The following NCKAP5 variants were observed in gnomAD, a reference collection of about 807,000 sequenced individuals.
NCKAP5 encodes the protein nck-associated protein 5.
NCKAP5 carries 92 observed loss-of-function variants against 167.0 expected under a neutral mutation model. The observed-to-expected ratio is 0.55, with a 90% CI of 0.47 to 0.66. The LOEUF (loss-of-function observed/expected upper bound fraction) is 0.66, where lower values mean the gene tolerates loss of function less well. Ranked by LOEUF, NCKAP5 falls within the 30% of genes least tolerant of loss-of-function variation. The probability of loss-of-function intolerance (pLI) is 0.00; values close to 1 mark genes in which losing one functional copy is unlikely to be tolerated. For missense variants in NCKAP5, 2,378 were observed against 2,315.0 expected (o/e 1.03, Z -0.56); for synonymous variants, 891 against 877.4 (o/e 1.02, Z -0.27).
At chr2:133,605,868 A>G in the NCKAP5 span, among the ~76,000 whole-genome samples, 4 of 152,172 alleles carry the variant, frequency 2.6e-5, no homozygotes, top group Admixed American at 6.5e-5. Context: ...ACCTGGGTAA[A>G]TCAAGAGGAA....
In NCKAP5 at chr2:132,783,729, A is replaced by T. The variant is rs745491270; in HGVS notation, c.3082T>A (p.Ser1028Thr). 1 of 1,610,464 alleles carries T rather than the reference A, an allele frequency of 6.2e-7. No individual in the cohort carries two copies. Among genetic ancestry groups the T allele is most frequent in the African/African-American group, 1.3e-5 (1 of 74,692 alleles). ...TRCPAHAPSSSFTVMALGPPK... is the reference protein window; with the variant it reads ...TRCPAHAPSSTFTVMALGPPK... ...GGCCCCAGAGCCATTACGGTGAAGG[A>T]GCTGGAGGGGGCATGAGCAGGGCAT... Residue 1028 changes from serine (S) to threonine (T), a missense_variant, in exon 14 of 20, where the codon TCC (serine) becomes ACC (threonine). Ser to Thr is a moderately conservative substitution (Grantham distance 58). This residue lies in a region of NCKAP5 where 1,325 missense variants were observed against 1,274.5 expected (regional missense o/e 1.04). Coordinates refer to ENST00000409261, the MANE Select transcript of NCKAP5 (RefSeq NM_207363.3).
chr2:132,996,526 TAA>T (rs2077605287), intron 6 of NCKAP5, among the ~76,000 whole-genome samples: 3 of 152,174 alleles, frequency 2.0e-5, no homozygotes, highest in African/African-American at 7.2e-5. Flanking sequence ...CTTCCTAAGA[TAA>T]CTCCTCATTG....
In NCKAP5 at chr2:132,773,711, C is replaced by CAA. The variant is rs2104958573; in HGVS notation, c.5128+104_5128+105insTT. ...CAACCATGTGTGAATAGTTAACACT[C>CAA]AGTCTTGATAGAGGGACATGGTCTC... On this transcript the variant is annotated intron_variant, in intron 16 of 19. Transcript: ENST00000409261. 4.5e-6 allele frequency: 4 copies of CAA among 885,374 alleles called. No individual in the cohort carries two copies. In the East Asian group the frequency reaches 1.0e-4, roughly 22 times the overall value. 54.8% of individuals were successfully genotyped at this position (885,374 alleles called of 1,614,324 possible).
intron 4 of NCKAP5, among the ~76,000 whole-genome samples, chr2:133,251,267 T>C (rs1251301656): frequency 2.0e-5 from 3 of 152,216 alleles, no homozygotes; most frequent in Non-Finnish European, 4.4e-5. Context: ...TGAGCATCCA[T>C]GGATTTTGGT....
intron 19 of NCKAP5, among the ~76,000 whole-genome samples, chr2:132,720,470 G>A (rs1689799113): frequency 6.6e-6 from 1 of 152,228 alleles, no homozygotes; most frequent in Non-Finnish European, 1.5e-5. Context: ...GCCACATTCA[G>A]TGTGTTGCAA....
intron 4 of NCKAP5, among the ~76,000 whole-genome samples, chr2:133,247,643 G>C (rs1438894458): frequency 2.0e-5 from 3 of 152,142 alleles, no homozygotes; most frequent in Admixed American, 6.5e-5. Flanking sequence ...ATATGAATAT[G>C]TTTTCTTTAT....
In NCKAP5 at chr2:132,810,174, C is replaced by T. The variant is rs1169032819; in HGVS notation, c.808-13445G>A. On this transcript the variant is annotated intron_variant, in intron 11 of 19. Coordinates refer to ENST00000409261, the MANE Select transcript of NCKAP5 (RefSeq NM_207363.3). ...ATCTGCTGTTAATCTTATAGGCTTT[C>T]CTTTCTAGGTTACCTGGTGCCTCTT... Among the ~76,000 whole-genome samples the T allele has an allele frequency of 3.9e-5, 6 of 152,176 alleles. 1 individual carries two copies. In the East Asian group the frequency reaches 5.8e-4, roughly 15 times the overall value.
chr2:133,410,354 C>T (rs144660271), intron 3 of NCKAP5, among the ~76,000 whole-genome samples: 8 of 152,276 alleles, frequency 5.3e-5, no homozygotes, highest in Non-Finnish European at 7.3e-5. Context: ...TTATTCATCA[C>T]GCGGTTTTCA....
In NCKAP5 at chr2:132,672,574, A is replaced by G. The variant is rs974412669; in HGVS notation, c.*715T>C. 6.6e-6 allele frequency: 1 copy of G among 152,490 alleles called. No homozygotes were observed. The highest frequency in any genetic ancestry group is 2.4e-5 in the African/African-American group (1 of 41,446). The allele number at this position is 152,490 out of a possible 1,614,324, so 9.4% of individuals were successfully genotyped here. ...TGTAGGTTTACAGAGTGTACCCACAAACAATTTGAGGACCAGGACAACGAA... is the reference window on the plus strand; with the variant it reads ...TGTAGGTTTACAGAGTGTACCCACAGACAATTTGAGGACCAGGACAACGAA... On this transcript the variant is annotated 3_prime_UTR_variant, in exon 20 of 20. Transcript: ENST00000409261.
At chr2:132,881,625 T>C (rs1350544475) in intron 8 of NCKAP5, among the ~76,000 whole-genome samples, 2 of 149,994 alleles carry the variant, frequency 1.3e-5, no homozygotes, top group African/African-American at 4.9e-5. Context: ...TTTGGGCTTC[T>C]CTGGAGCTCC....
chr2:132,801,103 T>C (rs947359857), intron 11 of NCKAP5, among the ~76,000 whole-genome samples: 2 of 152,186 alleles, frequency 1.3e-5, no homozygotes, highest in South Asian at 2.1e-4. Context: ...TAGTCTTCCA[T>C]GCTCTTTATC....
chr2:133,023,343 A>G (rs2078591772), intron 6 of NCKAP5, among the ~76,000 whole-genome samples: 1 of 152,214 alleles, frequency 6.6e-6, no homozygotes, highest in Non-Finnish European at 1.5e-5. Flanking sequence ...TATTATTTTA[A>G]CATATACATA....
rs775368381 is a variant in NCKAP5 at position 132,784,504 on chromosome 2, C to A, written c.2307G>T (p.Gln769His). 16 of 1,570,260 alleles carry A rather than the reference C, an allele frequency of 1.0e-5. No homozygotes were observed. Among genetic ancestry groups the A allele is most frequent in the Non-Finnish European group, 1.3e-5 (15 of 1,159,174 alleles). ...GTGTTGGTTTGACCAGCTTTTGCTG[C>A]TGAGGATTTTGTGTCACTGTCCTGG... ...FSSRTVTQNP[Q>H]QQKLVKPTHN... Residue 769 changes from glutamine to histidine, a missense_variant, in exon 14 of 20, where the codon CAG (glutamine) becomes CAT (histidine). Physicochemically the swap from Gln to His is conservative, Grantham distance 24. Around this residue, in one of 3 missense-constraint regions of NCKAP5, gnomAD observed 1,049 missense variants for 1,023.4 expected, o/e 1.02. Transcript: ENST00000409261.
chr2:132,843,580 TGTAA>T (rs1049080942), intron 11 of NCKAP5, among the ~76,000 whole-genome samples: 1 of 151,434 alleles, frequency 6.6e-6, no homozygotes, highest in Non-Finnish European at 1.5e-5. Context: ...TTTTTGTCAC[TGTAA>T]GTTTTTCTTT....
At chr2:132,961,798 C>T (rs1279818214) in intron 8 of NCKAP5, among the ~76,000 whole-genome samples, 1 of 152,210 alleles carries the variant, frequency 6.6e-6, no homozygotes, top group Non-Finnish European at 1.5e-5. Context: ...TCTCTGTAGT[C>T]ATAAACAAAA....
chr2:133,215,725 ATACTTTAT>A (rs1392179383), intron 4 of NCKAP5, among the ~76,000 whole-genome samples: 1 of 152,192 alleles, frequency 6.6e-6, no homozygotes, highest in Non-Finnish European at 1.5e-5. Context: ...CAAAATGTAT[ATACTTTAT>A]TTCCTATTTA....
At chr2:133,598,208 G>A in the NCKAP5 span, among the ~76,000 whole-genome samples, 1 of 152,184 alleles carries the variant, frequency 6.6e-6, no homozygotes, top group Non-Finnish European at 1.5e-5. Context: ...GTTAATATTT[G>A]CAAAGAACGT....
chr2:133,530,106 T>A (rs1685243278), intron 2 of NCKAP5, among the ~76,000 whole-genome samples: 1 of 152,228 alleles, frequency 6.6e-6, no homozygotes, highest in African/African-American at 2.4e-5. Flanking sequence ...AATTTTGTCT[T>A]GTAAACCTAC....
intron 13 of NCKAP5, among the ~76,000 whole-genome samples, chr2:132,788,145 C>T (rs1683744626): frequency 6.6e-6 from 1 of 152,090 alleles, no homozygotes; most frequent in Admixed American, 6.5e-5. Context: ...CACGAATGCC[C>T]CGTGGGAGTG....
Sources: gnomAD v4.1 joint callset for allele counts (sites outside exome capture counted in the v4.1 genomes callset) on GRCh38, gnomAD v4.1.1 for gene constraint, gnomAD v4.1.1 regional missense constraint, MANE v1.5 for transcripts, NCBI Gene and HGNC (gene_info 2026-07-23, HGNC 2026-07-21) for gene names.